FCER1A: variants seen among roughly 807,000 people sequenced by gnomAD.
FCER1A encodes Fc epsilon receptor Ia, also known as high affinity immunoglobulin epsilon receptor subunit alpha.
FCER1A carries 24 observed loss-of-function variants against 23.6 expected under a neutral mutation model. That is an observed-to-expected ratio of 1.02 (90% CI 0.74 to 1.43). The LOEUF is 1.43. FCER1A is among the 40% of genes most tolerant of loss of function. FCER1A has a pLI of 0.00. For missense variants in FCER1A, 318 were observed against 294.5 expected (o/e 1.08, Z -0.58); for synonymous variants, 121 against 108.8 (o/e 1.11, Z -0.70).
Position 159,307,926 on chromosome 1 carries a change from C to T in FCER1A, c.768C>T (p.Asn256=). Residue 256 remains asparagine, a synonymous_variant, in exon 5 of 5, where the codon AAC becomes AAT. Transcript: ENST00000693622. ...LNPHPKPNPK[N]N ...CACATCCTAAGCCAAACCCCAAAAA[C>T]AACTGATATAATTACTCAAGAAATA... 6.3e-7 allele frequency: 1 copy of T among 1,587,350 alleles called. No individual in the cohort carries two copies.
intron 1 of FCER1A, among the ~76,000 whole-genome samples, chr1:159,290,280 A>G (rs1652114045): frequency 6.6e-6 from 1 of 152,076 alleles, no homozygotes; most frequent in East Asian, 1.9e-4. Context: ...ACTTTCCTTT[A>G]TGCCCACCTA....
intron 2 of FCER1A, among the ~76,000 whole-genome samples, chr1:159,303,478 G>A (rs1652499211): frequency 6.6e-6 from 1 of 152,084 alleles, no homozygotes; most frequent in South Asian, 2.1e-4. Context: ...TCAGAGCTTG[G>A]AGAAACCTTA....
intron 1 of FCER1A, among the ~76,000 whole-genome samples, chr1:159,290,178 C>T (rs999016116): frequency 4.6e-5 from 7 of 152,172 alleles, no homozygotes; most frequent in African/African-American, 9.6e-5. Flanking sequence ...CATTGCAGGC[C>T]GCCCACTCCA....
upstream of FCER1A, among the ~76,000 whole-genome samples, chr1:159,300,710 GATA>G (rs200289393): frequency 1.4e-3 from 206 of 152,172 alleles, 3 homozygotes; most frequent in East Asian, 0.034. Context: ...AATAAATAAT[GATA>G]ATAAAGAAGA....
At chr1:159,306,894 A>C (rs1210513350) in intron 4 of FCER1A, among the ~76,000 whole-genome samples, 1 of 152,156 alleles carries the variant, frequency 6.6e-6, no homozygotes, top group Non-Finnish European at 1.5e-5. Context: ...TGTACATAAT[A>C]ATGTTTAAAA....
At chr1:159,294,258 A>T (rs1652237958) in intron 1 of FCER1A, among the ~76,000 whole-genome samples, 1 of 152,190 alleles carries the variant, frequency 6.6e-6, no homozygotes, top group Admixed American at 6.5e-5. Context: ...TGCTATAAAG[A>T]CACATGCACA....
At chr1:159,300,419 C>T (rs1273148961), upstream of FCER1A, among the ~76,000 whole-genome samples, 2 of 152,112 alleles carry the variant, frequency 1.3e-5, no homozygotes, top group East Asian at 1.9e-4. Context: ...AATCTTTCCC[C>T]GTCTCTTCCA....
intron 3 of FCER1A, among the ~76,000 whole-genome samples, chr1:159,304,385 A>G (rs375231685): frequency 6.6e-6 from 1 of 151,984 alleles, no homozygotes; most frequent in Non-Finnish European, 1.5e-5. Context: ...GTGGATCACG[A>G]GGTCAGGAGA....
intron 2 of FCER1A, among the ~76,000 whole-genome samples, chr1:159,303,131 A>G (rs1652487981): frequency 6.6e-6 from 1 of 152,014 alleles, no homozygotes; most frequent in Non-Finnish European, 1.5e-5. Context: ...TCTCTCCTAG[A>G]CACTTTGGCA....
chr1:159,296,853 G>A (rs1450516442), intron 1 of FCER1A, among the ~76,000 whole-genome samples: 5 of 152,132 alleles, frequency 3.3e-5, no homozygotes, highest in Non-Finnish European at 5.9e-5. Flanking sequence ...AGAGTATGAT[G>A]AGAAAGTTTC....
chr1:159,307,655 T>G, intron 4 of FCER1A, 93 bp from the exon 5 acceptor site: 1 of 894,470 alleles, frequency 1.1e-6, no homozygotes, highest in Non-Finnish European at 1.7e-6. Context: ...GGACAAAGCT[T>G]GGTCTTTCTC....
Position 159,307,810 on chromosome 1 carries a change from G to A in FCER1A, c.652G>A (p.Val218Met). ...ATTGTTGGTGGTGATTCTGTTTGCT[G>A]TGGACACAGGATTATTTATCTCAAC... ...IPLLVVILFA[V>M]DTGLFISTQQ... is the part of the protein sequence containing the mutation. Residue 218 changes from valine (V) to methionine (M), a missense_variant, in exon 5 of 5, where the codon GTG becomes ATG. By Grantham distance (21) the Val-to-Met change is conservative (BLOSUM62 1). Coordinates refer to ENST00000693622, the MANE Select transcript of FCER1A (RefSeq NM_001387280.1). 6.2e-7 allele frequency: 1 copy of A among 1,613,160 alleles called. No homozygotes were observed.
chr1:159,304,293 G>T (rs1002710269), intron 3 of FCER1A, 111 bp downstream of exon 3: 4 of 1,078,240 alleles, frequency 3.7e-6, no homozygotes, highest in East Asian at 2.4e-5. Context: ...GGGATTCAAG[G>T]CCTCTCATTT....
chr1:159,302,976 T>C, intron 2 of FCER1A, 102 bp downstream of exon 2: 1 of 1,145,704 alleles, frequency 8.7e-7, no homozygotes, highest in Non-Finnish European at 1.3e-6. Context: ...CTAATGAGCA[T>C]GAATCTGTTC....
chr1:159,295,224 T>C (rs1223002082), intron 1 of FCER1A, among the ~76,000 whole-genome samples: 1 of 152,130 alleles, frequency 6.6e-6, no homozygotes, highest in African/African-American at 2.4e-5. Flanking sequence ...AAGAGGGTTG[T>C]TCTGTGTTTG....
upstream of FCER1A, among the ~76,000 whole-genome samples, chr1:159,301,099 G>C (rs187899135): frequency 2.4e-3 from 365 of 152,256 alleles, 2 homozygotes; most frequent in Middle Eastern, 6.8e-3. Context: ...TGGAATGACT[G>C]GTTTCATTCA....
At chr1:159,304,749 G>A (rs1048267674) in intron 3 of FCER1A, among the ~76,000 whole-genome samples, 1 of 151,774 alleles carries the variant, frequency 6.6e-6, no homozygotes, top group Non-Finnish European at 1.5e-5. Context: ...TATCTTTTCT[G>A]CCTAGATTCA....
chr1:159,294,496 C>G (rs1652244901), intron 1 of FCER1A, among the ~76,000 whole-genome samples: 1 of 152,062 alleles, frequency 6.6e-6, no homozygotes. Context: ...ACAGATTGTC[C>G]TTGTACGTCT....
Position 159,302,875 on chromosome 1 carries a change from G to T in FCER1A, c.76+1G>T. ...GCAGCTCCAGATGGCGTGTTAGCAG[G>T]TGAGTCCTCTGTTCTTGTTCCCTTG... On this transcript the variant is annotated splice_donor_variant, in intron 2 of 4. Coordinates refer to ENST00000693622, the MANE Select transcript of FCER1A (RefSeq NM_001387280.1). LOFTEE classifies it high-confidence loss of function. 6 of 1,613,688 alleles carry T rather than the reference G, an allele frequency of 3.7e-6. No individual in the cohort carries two copies. The highest frequency in any genetic ancestry group is 1.3e-5 in the African/African-American group (1 of 75,034).
Sources: gnomAD v4.1 joint callset for allele counts (sites outside exome capture counted in the v4.1 genomes callset) on GRCh38, gnomAD v4.1.1 for gene constraint, MANE v1.5 for transcripts, NCBI Gene and HGNC (gene_info 2026-07-23, HGNC 2026-07-21) for gene names.